Variants in NLRP3 observed in about 807,000 individuals in gnomAD.
NLRP3 encodes the protein NACHT, LRR and PYD domains-containing protein 3.
In NLRP3, 48 loss-of-function variants were observed where a neutral mutation model predicts 91.3. That is an observed-to-expected ratio of 0.53 (90% CI 0.42 to 0.67). The LOEUF (loss-of-function observed/expected upper bound fraction) is 0.67. NLRP3 is among the 30% of genes least tolerant of loss of function. NLRP3 has a pLI of 0.00. For synonymous variants in NLRP3, 561 were observed against 507.9 expected (o/e 1.10, Z -1.41); for missense variants, 982 against 1,276.9 (o/e 0.77, Z 3.52).
chr1:247,423,428 A>T (rs1558189254), intron 3 of NLRP3, 79 bp downstream of exon 3: 1 of 1,532,464 alleles, frequency 6.5e-7, no homozygotes, highest in Non-Finnish European at 9.0e-7. Context: ...CAGCTGGGTA[A>T]CTTGGCCATA....
chr1:247,423,284 T>G lies in NLRP3; in HGVS notation c.332T>G (p.Ile111Ser). ...NPTVICQEDS[I>S]EEEWMGLLEY... The stretch of plus-strand genomic sequence containing the variant: ...ACTGTGATATGCCAGGAAGACAGCA[T>G]TGAAGAGGAGTGGATGGGTTTACTG... Residue 111 changes from isoleucine (I) to serine (S), a missense_variant, in exon 3 of 10, where the codon ATT (isoleucine) becomes AGT (serine). This residue lies in a region of NLRP3 where 548 missense variants were observed against 713.7 expected (regional missense o/e 0.77). Transcript: ENST00000336119. 1 of 1,614,118 alleles carries G rather than the reference T, an allele frequency of 6.2e-7. No individual in the cohort carries two copies. The highest frequency in any genetic ancestry group is 8.5e-7 in the Non-Finnish European group (1 of 1,179,992).
intron 7 of NLRP3, among the ~76,000 whole-genome samples, chr1:247,436,958 C>G (rs1663835898): frequency 1.3e-5 from 2 of 152,178 alleles, no homozygotes; most frequent in Non-Finnish European, 2.9e-5. Flanking sequence ...ATCTGTGTCT[C>G]CAATTTAAAG....
rs201580005 is a variant in NLRP3, at chr1:247,444,127, A to G, written c.2819A>G (p.Lys940Arg). The G allele has an allele frequency of 3.3e-5, 54 of 1,614,090 alleles. No homozygotes were observed. The highest frequency in any genetic ancestry group is 4.6e-5 in the Non-Finnish European group (54 of 1,180,056). The change falls in exon 8 of 10, where the codon AAG (lysine) becomes AGG (arginine). Residue 940 changes from lysine (K) to arginine (R), a missense_variant. Around this residue, in one of 5 missense-constraint regions of NLRP3, gnomAD observed 373 missense variants for 431.5 expected, o/e 0.86. Transcript: ENST00000336119. ...LCEGLLHPDCKLQVLELDNCN... is the reference protein window; with the variant it reads ...LCEGLLHPDCRLQVLELDNCN... ...GAGGGACTCTTGCACCCCGACTGCA[A>G]GCTTCAGGTGTTGGAGTAAGTCCTT...
In NLRP3 at chr1:247,434,143, A is replaced by G. The variant is rs1175903290; in HGVS notation, c.2362A>G (p.Ile788Val). Residue 788 changes from isoleucine (I) to valine (V), a missense_variant, in exon 6 of 10, where the codon ATC (isoleucine) becomes GTC (valine). Around this residue, in one of 5 missense-constraint regions of NLRP3, gnomAD observed 373 missense variants for 431.5 expected, o/e 0.86. Transcript: ENST00000336119. ...CCTCTCGCATGAGTGCTGCTTCGACATCTCCTTGGTCCTCAGCAGCAACCA... is the reference window on the plus strand; with the variant it reads ...CCTCTCGCATGAGTGCTGCTTCGACGTCTCCTTGGTCCTCAGCAGCAACCA... ...CGLSHECCFD[I>V]SLVLSSNQKL... The G allele has an allele frequency of 1.2e-6, 2 of 1,614,138 alleles. No homozygotes were observed. The highest frequency in any genetic ancestry group is 1.3e-5 in the African/African-American group (1 of 74,954).
chr1:247,429,495 G>C (rs1663151531), intron 4 of NLRP3, 90 bp from the exon 5 acceptor site: 2 of 1,439,462 alleles, frequency 1.4e-6, no homozygotes, highest in Non-Finnish European at 9.8e-7. Flanking sequence ...GCATTTCTCT[G>C]AACTGGTGCC....
At chr1:247,416,963 T>A (rs1011636279) in intron 1 of NLRP3, among the ~76,000 whole-genome samples, 6 of 152,108 alleles carry the variant, frequency 3.9e-5, no homozygotes, top group African/African-American at 1.4e-4. Context: ...AATCAAGGGA[T>A]CAAGGAGGGA....
intron 7 of NLRP3, among the ~76,000 whole-genome samples, chr1:247,438,988 A>G (rs1309267543): frequency 7.1e-6 from 1 of 141,326 alleles, no homozygotes; most frequent in East Asian, 2.1e-4. Flanking sequence ...CCATCCATCC[A>G]TCATCCATCC....
At chr1:247,421,118 T>C (rs765451231) in intron 2 of NLRP3, among the ~76,000 whole-genome samples, 5 of 152,110 alleles carry the variant, frequency 3.3e-5, no homozygotes, top group Non-Finnish European at 1.5e-5. Flanking sequence ...CATGTACACA[T>C]TGGGGATAAG....
chr1:247,425,621 GTGCTTCCTCC>G lies in NLRP3; in HGVS notation c.2150+32_2150+41del. 6.2e-7 allele frequency: 1 copy of G among 1,600,348 alleles called. No homozygotes were observed. The highest frequency in any genetic ancestry group is 8.5e-7 in the Non-Finnish European group (1 of 1,179,456). ...ATGGGTAAGGAAACTCGGCTTCCAG[GTGCTTCCTCC>G]TGCTTCCTCGCCAGCTTCTTCTTGG... On this transcript the variant is annotated intron_variant, in intron 4 of 9. Transcript: ENST00000336119. This position sits in a 1 kb window ranked among gnomAD's most constrained non-coding sequence, Gnocchi z 4.1.
Position 247,425,802 on chromosome 1 carries a change from A to T in NLRP3, c.2150+203A>T. ...GGATAAATGGGATGAGGAAAAAAAA[A>T]ATAAAACAAGGAACAAATGTTTGGG... On this transcript the variant is annotated intron_variant, in intron 4 of 9. Coordinates refer to ENST00000336119, the MANE Select transcript of NLRP3 (RefSeq NM_001243133.2). The surrounding 1 kb of genome is among the most constrained non-coding windows in gnomAD (Gnocchi z 4.1). 4 of 603,658 alleles carry T rather than the reference A, an allele frequency of 6.6e-6. No individual in the cohort carries two copies. The highest frequency in any genetic ancestry group is 2.0e-5 in the South Asian group (1 of 50,746). The allele number at this position is 603,658 out of a possible 1,614,324, so 37.4% of individuals were successfully genotyped here.
At chr1:247,441,012 G>A (rs1311179986) in intron 7 of NLRP3, among the ~76,000 whole-genome samples, 1 of 151,926 alleles carries the variant, frequency 6.6e-6, no homozygotes, top group Non-Finnish European at 1.5e-5. Flanking sequence ...GTTTAAAGTC[G>A]TCATCCATGT....
intron 2 of NLRP3, among the ~76,000 whole-genome samples, chr1:247,422,604 G>A (rs1242073174): frequency 6.6e-6 from 1 of 151,910 alleles, no homozygotes. Context: ...ATGGTTCCTG[G>A]GCCTCACCTC....
At position 247,419,090 on chromosome 1, in the gene NLRP3, A is replaced by C. The variant is rs1302383088; in HGVS notation, c.277+13A>C. 1.5e-4 allele frequency: 236 copies of C among 1,604,148 alleles called. No homozygotes were observed. The highest frequency in any genetic ancestry group is 2.0e-4 in the Non-Finnish European group (230 of 1,179,204). On this transcript the variant is annotated intron_variant, in intron 2 of 9. Coordinates refer to ENST00000336119, the MANE Select transcript of NLRP3 (RefSeq NM_001243133.2). ...GAGCCGAAGTGGGGTGAGTGGAAGGAAGACTTTTAAAAAAAATTGTGGCCA... is the reference window on the plus strand; with the variant it reads ...GAGCCGAAGTGGGGTGAGTGGAAGGCAGACTTTTAAAAAAAATTGTGGCCA...
chr1:247,418,570 G>A lies in NLRP3; in HGVS notation c.-231G>A, dbSNP rs138900557. 20,491 of 534,594 alleles carry A rather than the reference G, an allele frequency of 0.038. 569 individuals are homozygous for A. The highest frequency in any genetic ancestry group is 0.05 in the Non-Finnish European group (14,826 of 298,988). The allele number at this position is 534,594 out of a possible 1,614,324, so 33.1% of individuals were successfully genotyped here. Reference sequence around the variant, plus strand: ...GCCTGCCTTGGCCTCTCAAAGTGCTGGGATTACAGGCGTGAGCCACTGTGC... The same window carrying A: ...GCCTGCCTTGGCCTCTCAAAGTGCTAGGATTACAGGCGTGAGCCACTGTGC... On this transcript the variant is annotated 5_prime_UTR_variant, in exon 2 of 10. Transcript: ENST00000336119.
At chr1:247,437,914 C>T (rs914107615) in intron 7 of NLRP3, among the ~76,000 whole-genome samples, 4 of 152,186 alleles carry the variant, frequency 2.6e-5, no homozygotes, top group Admixed American at 2.0e-4. Context: ...CAGATGGAAC[C>T]GAAGAGGCCC....
chr1:247,429,864 T>C, intron 5 of NLRP3, 109 bp downstream of exon 5: 2 of 1,401,208 alleles, frequency 1.4e-6, no homozygotes, highest in Non-Finnish European at 2.0e-6. Context: ...GTGGTTTCTT[T>C]CTTTTCTTTT....
In NLRP3 at chr1:247,425,509, A is replaced by G. The variant is rs547884678; in HGVS notation, c.2060A>G (p.Lys687Arg). Residue 687 changes from lysine (K) to arginine (R), a missense_variant, in exon 4 of 10, where the codon AAG (lysine) becomes AGG (arginine). Transcript: ENST00000336119. The surrounding 1 kb of genome is among the most constrained non-coding windows in gnomAD (Gnocchi z 4.1). ...CTGGGGTTTCTCCATAACATGCCCA[A>G]GGAGGAAGAGGAGGAGGAAAAGGAA... ...LSLGFLHNMP[K>R]EEEEEEKEGR... is the part of the protein sequence containing the mutation. 2.5e-6 allele frequency: 4 copies of G among 1,614,152 alleles called. No homozygotes were observed. In the South Asian group the frequency reaches 3.3e-5, roughly 13 times the overall value.
At chr1:247,445,788 C>A (rs1022280550) in intron 9 of NLRP3, among the ~76,000 whole-genome samples, 1 of 152,194 alleles carries the variant, frequency 6.6e-6, no homozygotes, top group African/African-American at 2.4e-5. Flanking sequence ...TTTCTGGCCT[C>A]TTCTTCATCA....
intron 7 of NLRP3, among the ~76,000 whole-genome samples, chr1:247,440,513 T>C (rs971779483): frequency 2.6e-5 from 4 of 152,230 alleles, no homozygotes; most frequent in African/African-American, 9.6e-5. Flanking sequence ...ACATCTTAGC[T>C]TGGCACACAA....
Sources: gnomAD v4.1 joint callset for allele counts (sites outside exome capture counted in the v4.1 genomes callset) on GRCh38, gnomAD v4.1.1 for gene constraint, gnomAD v4.1.1 regional missense constraint, Gnocchi (gnomAD v3.1) non-coding constraint, MANE v1.5 for transcripts, NCBI Gene and HGNC (gene_info 2026-07-23, HGNC 2026-07-21) for gene names.